Variants in SGCD observed in about 807,000 individuals in gnomAD.
The protein encoded by SGCD is sarcoglycan delta, also known as delta-sarcoglycan.
SGCD carries 18 observed loss-of-function variants against 36.6 expected under a neutral mutation model. That is an observed-to-expected ratio of 0.49 (90% CI 0.34 to 0.73). SGCD has a LOEUF of 0.73. Among genes scored for constraint, SGCD ranks in the 30% least tolerant of loss-of-function variants. The pLI is 0.01. For synonymous variants in SGCD, 133 were observed against 130.6 expected (o/e 1.02, Z -0.12); for missense variants, 387 against 346.7 (o/e 1.12, Z -0.92).
chr5:156,655,998 G>T (rs924575226), intron 7 of SGCD, among the ~76,000 whole-genome samples: 10 of 152,012 alleles, frequency 6.6e-5, no homozygotes, highest in African/African-American at 9.7e-5. Flanking sequence ...TTCCTTGTAG[G>T]ATTCTGATCC....
At chr5:156,074,399 GA>G (rs200263137) in intron 1 of SGCD, among the ~76,000 whole-genome samples, 56 of 151,116 alleles carry the variant, frequency 3.7e-4, no homozygotes, top group African/African-American at 1.2e-3. Context: ...ATATAATTCT[GA>G]AAAAAAAATT....
At chr5:155,801,455 G>A in the SGCD span, among the ~76,000 whole-genome samples, 2 of 152,100 alleles carry the variant, frequency 1.3e-5, no homozygotes, top group Admixed American at 6.6e-5. Flanking sequence ...TTATAGATCT[G>A]CAATTATCAT....
At chr5:156,641,115 A>G (rs1260641955) in intron 6 of SGCD, among the ~76,000 whole-genome samples, 1 of 152,176 alleles carries the variant, frequency 6.6e-6, no homozygotes, top group Non-Finnish European at 1.5e-5. Flanking sequence ...ACTGCCTATT[A>G]CTTTTAGGAG....
intron 1 of SGCD, among the ~76,000 whole-genome samples, chr5:155,902,052 T>C (rs17052965): frequency 0.048 from 7,305 of 152,280 alleles, 487 homozygotes; most frequent in African/African-American, 0.14. Context: ...AACTTGAAAT[T>C]GTAGGCTCCC....
chr5:156,717,330 C>T (rs1397173205), intron 7 of SGCD, among the ~76,000 whole-genome samples: 1 of 152,176 alleles, frequency 6.6e-6, no homozygotes, highest in Non-Finnish European at 1.5e-5. Context: ...CTGACTCCCA[C>T]CCAACTCGTG....
At chr5:155,878,630 A>G (rs1450797891) in intron 1 of SGCD, among the ~76,000 whole-genome samples, 2 of 152,108 alleles carry the variant, frequency 1.3e-5, no homozygotes, top group Non-Finnish European at 2.9e-5. Context: ...GGATGTGGTC[A>G]CCCAAAGGAG....
At chr5:156,029,921 G>T (rs1431458606) in intron 1 of SGCD, among the ~76,000 whole-genome samples, 1 of 152,016 alleles carries the variant, frequency 6.6e-6, no homozygotes, top group Admixed American at 6.6e-5. Context: ...TACTCATTAA[G>T]CAGCCTTTCT....
chr5:156,149,165 A>T (rs886881556), intron 3 of SGCD, among the ~76,000 whole-genome samples: 1 of 152,194 alleles, frequency 6.6e-6, no homozygotes, highest in Non-Finnish European at 1.5e-5. Context: ...TGTGGAGTAC[A>T]TGAGATGTTT....
At position 156,767,559 on chromosome 5, in the gene SGCD, T is replaced by C. The variant is rs550947937; in HGVS notation, c.*8169T>C. ...CTTTGGATTATTTTTGGTTTGGTTT[T>C]TCTCTGGTTTTGGGTGTGATGTAAG... On this transcript the variant is annotated 3_prime_UTR_variant, in exon 9 of 9. Coordinates refer to ENST00000337851, the MANE Select transcript of SGCD (RefSeq NM_000337.6). 47 of 152,232 alleles carry C rather than the reference T, an allele frequency of 3.1e-4. No individual in the cohort carries two copies. Among genetic ancestry groups the C allele is most frequent in the African/African-American group, 1.1e-3 (47 of 41,554 alleles). 9.4% of individuals were successfully genotyped at this position (152,232 alleles called of 1,614,324 possible). A position where few individuals can be genotyped will look rare whatever the true frequency, so the allele number is the denominator to read the frequency against.
intron 3 of SGCD, among the ~76,000 whole-genome samples, chr5:156,287,030 T>C (rs1488838620): frequency 2.6e-5 from 4 of 152,124 alleles, no homozygotes; most frequent in Non-Finnish European, 5.9e-5. Flanking sequence ...TCAGAGTGTT[T>C]ACATTCTAAA....
chr5:155,810,893 C>T, the SGCD span, among the ~76,000 whole-genome samples: 1 of 122,218 alleles, frequency 8.2e-6, no homozygotes, highest in East Asian at 2.4e-4. Context: ...TCTCGGCTCA[C>T]TGCAAGCTCC....
At chr5:155,876,736 G>A (rs903366269) in intron 1 of SGCD, among the ~76,000 whole-genome samples, 2 of 151,960 alleles carry the variant, frequency 1.3e-5, no homozygotes, top group African/African-American at 2.4e-5. Context: ...ATGGCATTTC[G>A]TTACTTGATT....
At chr5:156,230,579 T>A (rs1159202781) in intron 3 of SGCD, among the ~76,000 whole-genome samples, 1 of 152,134 alleles carries the variant, frequency 6.6e-6, no homozygotes, top group Non-Finnish European at 1.5e-5. Context: ...AATTGGGGTG[T>A]CTCCTGGGTC....
chr5:155,894,691 G>A (rs575461184), intron 1 of SGCD, among the ~76,000 whole-genome samples: 23 of 152,156 alleles, frequency 1.5e-4, no homozygotes, highest in South Asian at 2.1e-4. Flanking sequence ...CATATGTGAG[G>A]GATCTAGGTT....
At chr5:156,724,241 G>A (rs927106019) in intron 7 of SGCD, among the ~76,000 whole-genome samples, 7 of 152,190 alleles carry the variant, frequency 4.6e-5, no homozygotes, top group African/African-American at 1.7e-4. Flanking sequence ...GGTTTAATAT[G>A]ATGTTCACAT....
At chr5:156,282,352 GT>G (rs946449735) in intron 3 of SGCD, among the ~76,000 whole-genome samples, 27 of 152,190 alleles carry the variant, frequency 1.8e-4, no homozygotes, top group Non-Finnish European at 3.5e-4. Flanking sequence ...CATTACCTGT[GT>G]AGGGGGAAAG....
chr5:156,587,315 C>A (rs1387116112), intron 4 of SGCD, among the ~76,000 whole-genome samples: 1 of 152,160 alleles, frequency 6.6e-6, no homozygotes, highest in African/African-American at 2.4e-5. Flanking sequence ...GTGGTTTTCA[C>A]TATTTATCTG....
At chr5:155,920,447 G>A (rs960461547) in intron 1 of SGCD, among the ~76,000 whole-genome samples, 8 of 152,120 alleles carry the variant, frequency 5.3e-5, no homozygotes, top group African/African-American at 1.9e-4. Context: ...GGTGTTGATT[G>A]TAGTTCCCTG....
chr5:155,921,698 C>G (rs547801294), intron 1 of SGCD, among the ~76,000 whole-genome samples: 1 of 152,268 alleles, frequency 6.6e-6, no homozygotes, highest in South Asian at 2.1e-4. Context: ...AAAAGCAACA[C>G]TTTCAAAAAC....
Sources: allele counts gnomAD v4.1 joint callset (sites outside exome capture counted in the v4.1 genomes callset), GRCh38; gene constraint gnomAD v4.1.1; transcripts MANE v1.5; gene names NCBI Gene and HGNC (gene_info 2026-07-23, HGNC 2026-07-21).